Variants in ASAP1 observed in about 807,000 individuals in gnomAD.
ASAP1 encodes ArfGAP with SH3 domain, ankyrin repeat and PH domain 1.
In ASAP1, 43 loss-of-function variants were observed where a neutral mutation model predicts 145.2. The ratio of observed to expected loss-of-function variants is 0.30; its 90% CI spans 0.23 to 0.38. ASAP1 has a LOEUF of 0.38. ASAP1 is among the 10% of genes least tolerant of loss of function. ASAP1 has a pLI of 1.00. For missense variants in ASAP1, 1,018 were observed against 1,355.3 expected (o/e 0.75, Z 3.91); for synonymous variants, 546 against 515.5 (o/e 1.06, Z -0.80).
At chr8:130,422,262 G>A (rs746094854) in intron 1 of ASAP1, among the ~76,000 whole-genome samples, 1 of 152,144 alleles carries the variant, frequency 6.6e-6, no homozygotes, top group Non-Finnish European at 1.5e-5. Flanking sequence ...AGAAGGGGGC[G>A]TGGAGATGAA....
At chr8:130,127,436 C>A (rs924829898) in intron 16 of ASAP1, among the ~76,000 whole-genome samples, 1 of 152,080 alleles carries the variant, frequency 6.6e-6, no homozygotes, top group Non-Finnish European at 1.5e-5. Context: ...AGGCTGGTCT[C>A]GAACTCCTGA....
intron 1 of ASAP1, among the ~76,000 whole-genome samples, chr8:130,433,280 G>A (rs2138794816): frequency 6.6e-6 from 1 of 152,172 alleles, no homozygotes; most frequent in South Asian, 2.1e-4. Context: ...ATTTTCCTTA[G>A]ACCTCCCCAA....
intron 13 of ASAP1, among the ~76,000 whole-genome samples, chr8:130,148,003 G>C (rs1240480712): frequency 6.6e-6 from 1 of 152,206 alleles, no homozygotes; most frequent in Non-Finnish European, 1.5e-5. Flanking sequence ...TATTTAGGCA[G>C]TTTCAGATTC....
intron 3 of ASAP1, among the ~76,000 whole-genome samples, chr8:130,243,672 C>T (rs1005619907): frequency 6.6e-6 from 1 of 152,174 alleles, no homozygotes; most frequent in African/African-American, 2.4e-5. Flanking sequence ...TGACCTCTCT[C>T]CTGAAATCTT....
intron 3 of ASAP1, among the ~76,000 whole-genome samples, chr8:130,258,799 T>C (rs1819720118): frequency 6.6e-6 from 1 of 152,172 alleles, no homozygotes; most frequent in Non-Finnish European, 1.5e-5. Flanking sequence ...TGGTTTTGGG[T>C]TCTTACAGTA....
chr8:130,283,587 G>GAAA (rs71304303), intron 3 of ASAP1, among the ~76,000 whole-genome samples: 222 of 20,840 alleles, frequency 0.011, 12 homozygotes, highest in African/African-American at 0.033. Context: ...ATCACAGAAA[G>GAAA]AAAAAAAAAA....
chr8:130,329,620 T>C (rs375520435), intron 3 of ASAP1, among the ~76,000 whole-genome samples: 1 of 152,204 alleles, frequency 6.6e-6, no homozygotes, highest in Non-Finnish European at 1.5e-5. Context: ...TACTGGCTCA[T>C]AATAAATGTC....
chr8:130,407,917 A>G (rs1352350897), intron 1 of ASAP1, among the ~76,000 whole-genome samples: 1 of 152,194 alleles, frequency 6.6e-6, no homozygotes, highest in Non-Finnish European at 1.5e-5. Flanking sequence ...TTTTCCCCAT[A>G]ATATCAAACC....
chr8:130,387,701 A>G lies in ASAP1; in HGVS notation c.59+14184T>C, dbSNP rs139818827. Among the ~76,000 whole-genome samples, 5 of 151,450 alleles carry G rather than the reference A, an allele frequency of 3.3e-5. No individual in the cohort carries two copies. In the East Asian group the frequency reaches 9.7e-4, roughly 29 times the overall value. On this transcript the variant is annotated intron_variant, in intron 2 of 29. Coordinates refer to ENST00000518721, the MANE Select transcript of ASAP1 (RefSeq NM_018482.4). ...CCAAGTCCCAACCAACTTTTTAACC[A>G]CTTGTATATATATATGAAAATTGTC...
intron 4 of ASAP1, among the ~76,000 whole-genome samples, chr8:130,215,712 C>A (rs541014656): frequency 1.6e-4 from 24 of 152,162 alleles, no homozygotes; most frequent in Admixed American, 7.8e-4. Context: ...TCACTGCACT[C>A]CAGCCTGAGC....
chr8:130,306,734 T>C (rs1179234380), intron 3 of ASAP1, among the ~76,000 whole-genome samples: 1 of 152,234 alleles, frequency 6.6e-6, no homozygotes, highest in Non-Finnish European at 1.5e-5. Context: ...TAAATACCAA[T>C]GGACCACATA....
At chr8:130,057,377 C>T (rs2097406464) in intron 29 of ASAP1, among the ~76,000 whole-genome samples, 2 of 152,228 alleles carry the variant, frequency 1.3e-5, no homozygotes, top group Admixed American at 1.3e-4. Context: ...CTACAACTCA[C>T]AAGGTTACAT....
intron 5 of ASAP1, among the ~76,000 whole-genome samples, chr8:130,201,907 A>G (rs959099234): frequency 6.6e-6 from 1 of 152,180 alleles, no homozygotes; most frequent in Non-Finnish European, 1.5e-5. Context: ...ATGTTTTGCA[A>G]TATCTTTTAC....
chr8:130,276,984 T>C (rs1411995733), intron 3 of ASAP1, among the ~76,000 whole-genome samples: 3 of 152,124 alleles, frequency 2.0e-5, no homozygotes, highest in Non-Finnish European at 4.4e-5. Flanking sequence ...CTGGGGTCCC[T>C]TGTCCATGTG....
At chr8:130,313,596 T>A (rs1423708704) in intron 3 of ASAP1, among the ~76,000 whole-genome samples, 1 of 152,170 alleles carries the variant, frequency 6.6e-6, no homozygotes, top group Non-Finnish European at 1.5e-5. Context: ...ATGAGAAACT[T>A]CTTTTGGCAG....
At chr8:130,442,617 G>C (rs1565318997) in intron 1 of ASAP1, among the ~76,000 whole-genome samples, 1 of 152,100 alleles carries the variant, frequency 6.6e-6, no homozygotes, top group Admixed American at 6.5e-5. Context: ...GGGAAAATGC[G>C]AGAGAAAGTT....
chr8:130,423,604 A>C (rs904707086), intron 1 of ASAP1, among the ~76,000 whole-genome samples: 1 of 152,234 alleles, frequency 6.6e-6, no homozygotes, highest in East Asian at 1.9e-4. Context: ...TGATCATGTA[A>C]ATCTATATTT....
intron 26 of ASAP1, among the ~76,000 whole-genome samples, chr8:130,078,073 T>C (rs1397447929): frequency 6.6e-6 from 1 of 151,194 alleles, no homozygotes; most frequent in Non-Finnish European, 1.5e-5. Flanking sequence ...CACTGCAACC[T>C]CCACTTCCCA....
intron 3 of ASAP1, among the ~76,000 whole-genome samples, chr8:130,352,257 T>G (rs1344702377): frequency 6.6e-6 from 1 of 150,914 alleles, no homozygotes; most frequent in Non-Finnish European, 1.5e-5. Context: ...TGGGGGTAAT[T>G]AATGGGCTCC....
Sources: allele counts gnomAD v4.1 joint callset (sites outside exome capture counted in the v4.1 genomes callset), GRCh38; gene constraint gnomAD v4.1.1; transcripts MANE v1.5; gene names NCBI Gene and HGNC (gene_info 2026-07-23, HGNC 2026-07-21).